The following MARCHF1 variants were observed in gnomAD, a reference collection of about 807,000 sequenced individuals.
MARCHF1 encodes E3 ubiquitin-protein ligase MARCHF1.
In MARCHF1, 40 loss-of-function variants were observed where a neutral mutation model predicts 54.2. That is an observed-to-expected ratio of 0.74 (90% CI 0.57 to 0.96). MARCHF1 has a LOEUF of 0.96. MARCHF1 is among the 40% of genes least tolerant of loss of function. The pLI is 0.00. For synonymous variants in MARCHF1, 236 were observed against 236.3 expected, an observed-to-expected ratio of 1.00 and a Z score of 0.01; for missense variants, 586 against 656.5, an observed-to-expected ratio of 0.89 and a Z score of 1.17.
intron 1 of MARCHF1, among the ~76,000 whole-genome samples, chr4:164,284,217 ATTAAT>A (rs1734089707): frequency 1.3e-5 from 2 of 150,950 alleles, no homozygotes; most frequent in Admixed American, 1.3e-4. Context: ...TTGATAATGT[ATTAAT>A]TTGAGTATTC....
intron 1 of MARCHF1, among the ~76,000 whole-genome samples, chr4:164,141,010 T>G (rs117820180): frequency 6.6e-6 from 1 of 152,226 alleles, no homozygotes; most frequent in Non-Finnish European, 1.5e-5. Flanking sequence ...CTCTGAATAA[T>G]AGCACCCTAT....
chr4:163,948,432 C>A (rs1752065880), intron 3 of MARCHF1, among the ~76,000 whole-genome samples: 1 of 152,146 alleles, frequency 6.6e-6, no homozygotes, highest in Non-Finnish European at 1.5e-5. Flanking sequence ...AACTTTAATT[C>A]TTTACATATG....
At chr4:164,274,659 C>CTTCTT (rs1733826760) in intron 1 of MARCHF1, among the ~76,000 whole-genome samples, 1 of 44,644 alleles carries the variant, frequency 2.2e-5, no homozygotes, top group African/African-American at 7.5e-5. Context: ...TCAGGGTACA[C>CTTCTT]TTTTTTTTTT....
intron 3 of MARCHF1, among the ~76,000 whole-genome samples, chr4:163,943,495 A>C (rs1252794435): frequency 6.6e-6 from 1 of 152,042 alleles, no homozygotes; most frequent in Non-Finnish European, 1.5e-5. Flanking sequence ...GATGGATGTA[A>C]GTGTGCAGCC....
chr4:163,988,196 G>C (rs1030978588), intron 3 of MARCHF1, among the ~76,000 whole-genome samples: 2 of 152,092 alleles, frequency 1.3e-5, no homozygotes, highest in African/African-American at 4.8e-5. Context: ...AAAACAGCCG[G>C]TTGTAACCCA....
intron 2 of MARCHF1, among the ~76,000 whole-genome samples, chr4:164,109,016 TAGAAA>T (rs2111177029): frequency 1.3e-5 from 2 of 152,140 alleles, no homozygotes; most frequent in Non-Finnish European, 2.9e-5. Context: ...CTTAAACCTT[TAGAAA>T]GAACTGTACT....
At chr4:163,869,682 CT>C (rs1226380138) in intron 3 of MARCHF1, among the ~76,000 whole-genome samples, 1 of 151,994 alleles carries the variant, frequency 6.6e-6, no homozygotes, top group African/African-American at 2.4e-5. Context: ...TAAAAGTCTA[CT>C]TTTTTTAAGA....
At chr4:163,555,744 T>C (rs1486981049) in intron 8 of MARCHF1, 1 of 294,968 alleles carries the variant, frequency 3.4e-6, no homozygotes, top group Non-Finnish European at 7.0e-6. Flanking sequence ...ATAGTCTCTC[T>C]TCCCCAGAGG....
intron 2 of MARCHF1, among the ~76,000 whole-genome samples, chr4:164,067,016 T>TA (rs544415375): frequency 1.7e-4 from 22 of 130,154 alleles, no homozygotes; most frequent in East Asian, 1.4e-3. Context: ...CCTCTGAACT[T>TA]AAAAAAAAAA....
intron 1 of MARCHF1, among the ~76,000 whole-genome samples, chr4:164,328,928 C>A (rs563758130): frequency 2.7e-4 from 41 of 152,302 alleles, no homozygotes; most frequent in African/African-American, 9.6e-4. Flanking sequence ...CTAGTTTAAG[C>A]ATTCCCACCA....
intron 5 of MARCHF1, among the ~76,000 whole-genome samples, chr4:163,697,189 T>G (rs979385535): frequency 3.3e-5 from 5 of 151,998 alleles, no homozygotes; most frequent in African/African-American, 4.8e-5. Context: ...GCTCAAAGTT[T>G]TTACTGGGGG....
intron 1 of MARCHF1, among the ~76,000 whole-genome samples, chr4:164,310,663 C>A (rs1734826546): frequency 6.6e-6 from 1 of 151,888 alleles, no homozygotes; most frequent in Middle Eastern, 3.4e-3. Flanking sequence ...GTGTTTCATC[C>A]TTTGCTATGC....
intron 4 of MARCHF1, among the ~76,000 whole-genome samples, chr4:163,819,831 A>G (rs1489610781): frequency 6.6e-6 from 1 of 152,094 alleles, no homozygotes; most frequent in Non-Finnish European, 1.5e-5. Flanking sequence ...ATGTAAAGCC[A>G]TGCTCACCAC....
intron 3 of MARCHF1, 21 bp downstream of exon 3, chr4:163,988,480 T>C (rs1752911644): frequency 6.6e-6 from 1 of 152,278 alleles, no homozygotes; most frequent in African/African-American, 2.4e-5. Flanking sequence ...TCTGATTTTA[T>C]TAAATTAAAC....
intron 1 of MARCHF1, among the ~76,000 whole-genome samples, chr4:164,279,321 A>C (rs1414029758): frequency 6.6e-6 from 1 of 151,516 alleles, no homozygotes; most frequent in Non-Finnish European, 1.5e-5. Flanking sequence ...GGAAAAAACA[A>C]GGGAAATATA....
chr4:163,919,463 A>G (rs1184203101), intron 3 of MARCHF1, among the ~76,000 whole-genome samples: 5 of 152,006 alleles, frequency 3.3e-5, no homozygotes, highest in Non-Finnish European at 7.4e-5. Context: ...TACAAAGGAC[A>G]TAAGAATTAC....
intron 1 of MARCHF1, among the ~76,000 whole-genome samples, chr4:164,164,340 G>T (rs772352342): frequency 1.3e-5 from 2 of 151,620 alleles, no homozygotes; most frequent in Non-Finnish European, 2.9e-5. Context: ...CCTTTGTCCA[G>T]CTTGTTCAGA....
intron 1 of MARCHF1, among the ~76,000 whole-genome samples, chr4:164,240,459 C>A (rs150506897): frequency 6.6e-6 from 1 of 152,156 alleles, no homozygotes; most frequent in African/African-American, 2.4e-5. Flanking sequence ...ATGTCTGCAT[C>A]ATTGGACCTC....
intron 4 of MARCHF1, among the ~76,000 whole-genome samples, chr4:163,840,003 A>G (rs1356210698): frequency 2.0e-5 from 3 of 152,162 alleles, no homozygotes; most frequent in African/African-American, 7.2e-5. Flanking sequence ...ACTAAGCAAA[A>G]TATCAATATT....
Sources: gnomAD v4.1 joint callset for allele counts (sites outside exome capture counted in the v4.1 genomes callset) on GRCh38, gnomAD v4.1.1 for gene constraint, MANE v1.5 for transcripts, NCBI Gene and HGNC (gene_info 2026-07-23, HGNC 2026-07-21) for gene names.